The following FAM78B variants were observed in gnomAD, a reference collection of about 807,000 sequenced individuals.
The protein encoded by FAM78B is protein FAM78B.
A neutral mutation model predicts 20.0 loss-of-function variants in FAM78B; 10 were observed. The ratio of observed to expected loss-of-function variants is 0.50; its 90% CI spans 0.31 to 0.85. The LOEUF (loss-of-function observed/expected upper bound fraction) is 0.85, where lower values mean the gene tolerates loss of function less well. Ranked by LOEUF, FAM78B falls within the 40% of genes least tolerant of loss-of-function variation. The probability of loss-of-function intolerance (pLI) is 0.05; values close to 1 mark genes in which losing one functional copy is unlikely to be tolerated. For synonymous variants in FAM78B, 135 were observed against 132.8 expected, an observed-to-expected ratio of 1.02 and a Z score of -0.12; for missense variants, 283 against 345.0, an observed-to-expected ratio of 0.82 and a Z score of 1.42.
chr1:166,130,573 A>G (rs776890731), intron 1 of FAM78B, among the ~76,000 whole-genome samples: 5 of 152,202 alleles, frequency 3.3e-5, no homozygotes, highest in Non-Finnish European at 7.3e-5. Context: ...GAGGCTAGGT[A>G]TGCTGCTAAC....
chr1:166,096,913 G>C (rs1653302420), intron 1 of FAM78B, among the ~76,000 whole-genome samples: 1 of 152,164 alleles, frequency 6.6e-6, no homozygotes, highest in Non-Finnish European at 1.5e-5. Context: ...GCGGGCGGCG[G>C]CTCACACTGT....
intron 1 of FAM78B, among the ~76,000 whole-genome samples, chr1:166,106,280 C>G (rs1042042967): frequency 2.0e-5 from 3 of 150,574 alleles, no homozygotes; most frequent in African/African-American, 7.3e-5. Context: ...GGGTGCAGCA[C>G]GCCAACATGG....
chr1:166,117,754 T>A (rs903869170), intron 1 of FAM78B, among the ~76,000 whole-genome samples: 1 of 152,202 alleles, frequency 6.6e-6, no homozygotes, highest in African/African-American at 2.4e-5. Flanking sequence ...TAAACCTTTT[T>A]CCTAAATGAA....
chr1:166,158,128 G>GA (rs1354861731), intron 1 of FAM78B, among the ~76,000 whole-genome samples: 1 of 152,156 alleles, frequency 6.6e-6, no homozygotes, highest in African/African-American at 2.4e-5. Flanking sequence ...CAAGTTCAGA[G>GA]AACCCCCTTC....
At chr1:166,101,550 C>A (rs182646105) in intron 1 of FAM78B, among the ~76,000 whole-genome samples, 1 of 152,294 alleles carries the variant, frequency 6.6e-6, no homozygotes, top group East Asian at 1.9e-4. Flanking sequence ...ACCACAAGAA[C>A]TATGTGACGA....
intron 1 of FAM78B, among the ~76,000 whole-genome samples, chr1:166,162,946 TTCACCTCTAGAA>T (rs1412751539): frequency 6.6e-6 from 1 of 152,178 alleles, no homozygotes; most frequent in African/African-American, 2.4e-5. Context: ...CTTGAGTCCA[TTCACCTCTAGAA>T]CACCCTGCTT....
chr1:166,134,069 A>C (rs1654980726), intron 1 of FAM78B, among the ~76,000 whole-genome samples: 1 of 152,180 alleles, frequency 6.6e-6, no homozygotes. Context: ...CAGAGAAAAG[A>C]AAGTTTGGGG....
intron 1 of FAM78B, among the ~76,000 whole-genome samples, chr1:166,151,116 CTT>C (rs1338353017): frequency 6.6e-6 from 1 of 152,216 alleles, no homozygotes; most frequent in East Asian, 1.9e-4. Context: ...AATTTGAACA[CTT>C]GAGACTGGAA....
chr1:166,089,544 C>G (rs1652982080), intron 1 of FAM78B, among the ~76,000 whole-genome samples: 1 of 152,040 alleles, frequency 6.6e-6, no homozygotes, highest in South Asian at 2.1e-4. Flanking sequence ...GGAGGAAGAC[C>G]TGAGAGTGGG....
chr1:166,146,329 G>A (rs1655453603), intron 1 of FAM78B, among the ~76,000 whole-genome samples: 1 of 152,158 alleles, frequency 6.6e-6, no homozygotes, highest in South Asian at 2.1e-4. Flanking sequence ...TACTTTCTGA[G>A]ACATTTCTTC....
intron 2 of FAM78B, among the ~76,000 whole-genome samples, chr1:166,062,878 G>A (rs942471557): frequency 1.6e-4 from 24 of 152,184 alleles, no homozygotes; most frequent in Non-Finnish European, 2.4e-4. Context: ...ATTGAAGGGC[G>A]GGGTGAAGGG....
At chr1:166,081,638 G>A (rs1652583033) in intron 1 of FAM78B, among the ~76,000 whole-genome samples, 1 of 152,158 alleles carries the variant, frequency 6.6e-6, no homozygotes, top group South Asian at 2.1e-4. Flanking sequence ...AGGCCCAGTG[G>A]CATTTGTTCT....
chr1:166,125,433 A>G (rs1654606042), intron 1 of FAM78B, among the ~76,000 whole-genome samples: 1 of 152,156 alleles, frequency 6.6e-6, no homozygotes, highest in East Asian at 1.9e-4. Flanking sequence ...CAGTCATTAA[A>G]CACGGTCCAT....
intron 1 of FAM78B, among the ~76,000 whole-genome samples, chr1:166,071,382 T>G (rs1401859040): frequency 6.6e-6 from 1 of 152,208 alleles, no homozygotes; most frequent in Non-Finnish European, 1.5e-5. Context: ...ATGTGAAAGT[T>G]GTTCTACAGG....
At chr1:166,109,315 A>G (rs1014761574) in intron 1 of FAM78B, among the ~76,000 whole-genome samples, 5 of 152,210 alleles carry the variant, frequency 3.3e-5, no homozygotes, top group Admixed American at 1.3e-4. Flanking sequence ...TCAGTAAGAA[A>G]AAAACAAACA....
chr1:166,079,626 G>A (rs905604990), intron 1 of FAM78B, among the ~76,000 whole-genome samples: 1 of 152,148 alleles, frequency 6.6e-6, no homozygotes, highest in Non-Finnish European at 1.5e-5. Flanking sequence ...AGGGGCTGAG[G>A]GTCACTTGTT....
At chr1:166,149,149 G>A (rs971900187) in intron 1 of FAM78B, among the ~76,000 whole-genome samples, 1 of 151,968 alleles carries the variant, frequency 6.6e-6, no homozygotes. Flanking sequence ...TAGTCCTTTG[G>A]GTATATACCC....
At chr1:166,109,852 A>T (rs28619291) in intron 1 of FAM78B, among the ~76,000 whole-genome samples, 1 of 25,450 alleles carries the variant, frequency 3.9e-5, no homozygotes, top group Non-Finnish European at 8.6e-5. Flanking sequence ...ATATATATAT[A>T]TATATATATG....
intron 1 of FAM78B, among the ~76,000 whole-genome samples, chr1:166,142,391 C>T (rs1376094416): frequency 1.3e-5 from 2 of 152,180 alleles, no homozygotes; most frequent in East Asian, 3.9e-4. Context: ...GAGGCTAGGA[C>T]ACGGGGCAGC....
Sources: gnomAD v4.1 joint callset for allele counts (sites outside exome capture counted in the v4.1 genomes callset) on GRCh38, gnomAD v4.1.1 for gene constraint, MANE v1.5 for transcripts, NCBI Gene and HGNC (gene_info 2026-07-23, HGNC 2026-07-21) for gene names.